CCDC40: variants seen among roughly 807,000 people sequenced by gnomAD.
CCDC40 encodes the protein coiled-coil domain-containing protein 40.
CCDC40 carries 104 observed loss-of-function variants against 124.5 expected under a neutral mutation model. The observed-to-expected ratio is 0.84, with a 90% CI of 0.71 to 0.98. CCDC40 has a LOEUF of 0.98. Ranked by LOEUF, CCDC40 falls within the 50% of genes least tolerant of loss-of-function variation. The pLI is 0.00. For missense variants in CCDC40, 1,463 were observed against 1,503.9 expected (o/e 0.97, Z 0.45); for synonymous variants, 580 against 602.9 (o/e 0.96, Z 0.56).
At chr17:80,056,696 C>G (rs898314774) in intron 7 of CCDC40, among the ~76,000 whole-genome samples, 24 of 151,902 alleles carry the variant, frequency 1.6e-4, no homozygotes, top group Admixed American at 1.5e-3. Flanking sequence ...ACAAAAATAT[C>G]CAAGACAATT....
rs143124559 is a variant in CCDC40 at position 80,048,107 on chromosome 17, A to G, written c.677-476A>G. Among the ~76,000 whole-genome samples, 1,298 of 152,276 alleles carry G rather than the reference A, an allele frequency of 8.5e-3. 17 individuals carry two copies. Among genetic ancestry groups the G allele is most frequent in the African/African-American group, 0.03 (1,243 of 41,546 alleles). The stretch of plus-strand genomic sequence containing the variant: ...AACCCCTGTCTCTACTAAAAATACA[A>G]AAATTACCGGGCGTGGTGGCGGGTG... On this transcript the variant is annotated intron_variant, in intron 4 of 19. Coordinates refer to ENST00000397545, the MANE Select transcript of CCDC40 (RefSeq NM_017950.4).
intron 17 of CCDC40, chr17:80,090,376 A>C: frequency 1.8e-6 from 2 of 1,109,362 alleles, no homozygotes; most frequent in Non-Finnish European, 1.3e-6. Flanking sequence ...GCACGAACAC[A>C]GGACACACAC....
chr17:80,065,489 G>A lies in CCDC40; in HGVS notation c.1445G>A (p.Cys482Tyr), dbSNP rs367601192. 3.5e-5 allele frequency: 57 copies of A among 1,611,408 alleles called. No homozygotes were observed. The African/African-American group carries it at 6.7e-4, about 19-fold the overall frequency. Residue 482 changes from cysteine to tyrosine, a missense_variant, in exon 10 of 20, where the codon TGC becomes TAC. Cys to Tyr is a radical substitution (Grantham distance 194). Transcript: ENST00000397545. ...CCCCTCCCCTGTTGGCTGCAGGCCT[G>A]CACCGAGATCGACGCCATCAGCGTG... The part of the protein sequence containing the change: ...RILRKAVSEA[C>Y]TEIDAISVEK...
At chr17:80,048,211 G>C (rs570494349) in intron 4 of CCDC40, among the ~76,000 whole-genome samples, 4 of 152,308 alleles carry the variant, frequency 2.6e-5, no homozygotes, top group Non-Finnish European at 5.9e-5. Flanking sequence ...AGTGAGCCGA[G>C]ATCACGCCAC....
intron 17 of CCDC40, among the ~76,000 whole-genome samples, chr17:80,091,759 T>A (rs2038727894): frequency 6.6e-6 from 1 of 152,112 alleles, no homozygotes; most frequent in Non-Finnish European, 1.5e-5. Context: ...AATCACATCC[T>A]TCCTTACTGG....
chr17:80,090,715 G>A (rs1474171515), intron 17 of CCDC40: 2 of 1,411,610 alleles, frequency 1.4e-6, no homozygotes, highest in Non-Finnish European at 1.8e-6. Context: ...TAAAAGGCTG[G>A]TAATTAAATT....
chr17:80,042,680 G>A (rs1265716564), intron 3 of CCDC40, among the ~76,000 whole-genome samples: 3 of 152,098 alleles, frequency 2.0e-5, no homozygotes, highest in Non-Finnish European at 4.4e-5. Context: ...GCATTGGCTA[G>A]AACCGCCAGC....
Position 80,087,772 on chromosome 17 carries a change from T to C in CCDC40, c.2615T>C (p.Leu872Pro), listed in dbSNP as rs1160715602. The C allele has an allele frequency of 4.6e-5, 75 of 1,613,868 alleles. No individual in the cohort carries two copies. The highest frequency in any genetic ancestry group is 5.2e-5 in the Non-Finnish European group (61 of 1,179,952). The change falls in exon 15 of 20, where the codon CTG (leucine) becomes CCG (proline). Residue 872 changes from leucine (L) to proline (P), a missense_variant. Leu to Pro is a moderately conservative substitution (Grantham distance 98). Coordinates refer to ENST00000397545, the MANE Select transcript of CCDC40 (RefSeq NM_017950.4). The surrounding 1 kb of genome is among the most constrained non-coding windows in gnomAD (Gnocchi z 4.5). ...RVTENEFVRSLKASERETIKM... is the reference protein window; with the variant it reads ...RVTENEFVRSPKASERETIKM... ...ACAGAGAATGAGTTCGTGCGCTCGC[T>C]GAAGGTCCGGCCGTGTCCACGCAGT...
intron 7 of CCDC40, among the ~76,000 whole-genome samples, chr17:80,055,998 A>ATTTTT (rs1568682555): frequency 1.9e-4 from 1 of 5,310 alleles, no homozygotes; most frequent in Non-Finnish European, 9.2e-4. Context: ...ATATATATAT[A>ATTTTT]TATATATATA....
chr17:80,041,502 T>G (rs1208804216), intron 3 of CCDC40, among the ~76,000 whole-genome samples: 10 of 139,610 alleles, frequency 7.2e-5, no homozygotes, highest in African/African-American at 2.9e-4. Flanking sequence ...AGCGAGACTC[T>G]GTCTCAAAAA....
chr17:80,046,554 A>T (rs920071871), intron 3 of CCDC40, among the ~76,000 whole-genome samples: 1 of 151,516 alleles, frequency 6.6e-6, no homozygotes, highest in Non-Finnish European at 1.5e-5. Flanking sequence ...TAATAATAAT[A>T]ATAAAAGAGT....
chr17:80,065,730 G>A lies in CCDC40; in HGVS notation c.1562+124G>A, dbSNP rs114587508. 8.9e-4 allele frequency: 1,180 copies of A among 1,332,360 alleles called. 9 individuals are homozygous for A. The African/African-American group carries it at 0.015, about 17-fold the overall frequency. 82.5% of individuals were successfully genotyped at this position (1,332,360 alleles called of 1,614,324 possible). A position where few individuals can be genotyped will look rare whatever the true frequency, so the allele number is the denominator to read the frequency against. ...GGACAGAGGGTGCACCTTGATCCCCGGGTCCGGGCTTCCGTCCGGAAAGCT... is the reference window on the plus strand; with the variant it reads ...GGACAGAGGGTGCACCTTGATCCCCAGGTCCGGGCTTCCGTCCGGAAAGCT... On this transcript the variant is annotated intron_variant, in intron 10 of 19. Coordinates refer to ENST00000397545, the MANE Select transcript of CCDC40 (RefSeq NM_017950.4).
chr17:80,041,494 C>T (rs575284434), intron 3 of CCDC40, among the ~76,000 whole-genome samples: 187 of 148,074 alleles, frequency 1.3e-3, no homozygotes, highest in Middle Eastern at 3.5e-3. Context: ...GGCGACAGAG[C>T]GAGACTCTGT....
rs770427752 is a variant in CCDC40 at position 80,099,639 on chromosome 17, A to G, written c.3293A>G (p.Gln1098Arg). ...RSKQSLVLER[Q>R]RLDKRLALIA... ...AAGCAGTCCCTAGTGCTGGAGCGCCAGCGCCTGGACAAGCGACTGGCTCTC... is the reference window on the plus strand; with the variant it reads ...AAGCAGTCCCTAGTGCTGGAGCGCCGGCGCCTGGACAAGCGACTGGCTCTC... Residue 1098 changes from glutamine (Q) to arginine (R), a missense_variant, in exon 20 of 20, where the codon CAG becomes CGG. By Grantham distance (43) the Gln-to-Arg change is conservative. Coordinates refer to ENST00000397545, the MANE Select transcript of CCDC40 (RefSeq NM_017950.4). The G allele has an allele frequency of 2.5e-6, 4 of 1,613,808 alleles. No individual in the cohort carries two copies. Among genetic ancestry groups the G allele is most frequent in the Non-Finnish European group, 3.4e-6 (4 of 1,179,990 alleles).
intron 19 of CCDC40, chr17:80,098,082 C>T (rs2038844364): frequency 1.9e-5 from 3 of 157,682 alleles, no homozygotes; most frequent in African/African-American, 2.4e-5. Context: ...GAAGGCCCTG[C>T]GGAGCAGACA....
chr17:80,090,570 C>T (rs2038706462), intron 17 of CCDC40: 3 of 1,501,340 alleles, frequency 2.0e-6, no homozygotes, highest in Non-Finnish European at 8.9e-7. Flanking sequence ...CGGTTGTAAC[C>T]CTCAAACTTT....
At chr17:80,039,333 C>T (rs2037211496) in intron 2 of CCDC40, among the ~76,000 whole-genome samples, 1 of 151,902 alleles carries the variant, frequency 6.6e-6, no homozygotes, top group South Asian at 2.1e-4. Context: ...CGCCACCGCA[C>T]TCCAGCCTGG....
intron 5 of CCDC40, among the ~76,000 whole-genome samples, chr17:80,049,505 C>T (rs1405858798): frequency 3.3e-5 from 5 of 151,818 alleles, no homozygotes; most frequent in Admixed American, 6.6e-5. Flanking sequence ...CCAATTGGAT[C>T]GCAGCTCCCT....
chr17:80,059,952 C>T (rs1003122871), intron 9 of CCDC40, among the ~76,000 whole-genome samples: 5 of 152,240 alleles, frequency 3.3e-5, no homozygotes, highest in Admixed American at 6.5e-5. Context: ...TTACTCAGCA[C>T]TGGTCTCTCC....
Sources: allele counts gnomAD v4.1 joint callset (sites outside exome capture counted in the v4.1 genomes callset), GRCh38; gene constraint gnomAD v4.1.1; non-coding constraint Gnocchi (gnomAD v3.1); transcripts MANE v1.5; gene names NCBI Gene and HGNC (gene_info 2026-07-23, HGNC 2026-07-21).